BPTF: variants seen among roughly 807,000 people sequenced by gnomAD.
The protein encoded by BPTF is nucleosome-remodeling factor subunit BPTF.
Under a neutral mutation model 292.5 loss-of-function variants are expected in BPTF, and 18 were observed. The observed-to-expected ratio is 0.06, with a 90% CI of 0.04 to 0.09. The LOEUF (loss-of-function observed/expected upper bound fraction) is 0.09. BPTF is among the 10% of genes least tolerant of loss of function. The pLI, the probability that BPTF is intolerant of heterozygous loss-of-function variation, is 1.00. For synonymous variants in BPTF, 1,225 were observed against 1,251.9 expected, an observed-to-expected ratio of 0.98 and a Z score of 0.45; for missense variants, 2,726 against 3,498.7, an observed-to-expected ratio of 0.78 and a Z score of 5.57.
At chr17:67,921,209 CAAAAAAAAA>C (rs60707445) in intron 13 of BPTF, among the ~76,000 whole-genome samples, 2 of 49,226 alleles carry the variant, frequency 4.1e-5, no homozygotes, top group Admixed American at 2.8e-4. Context: ...GAATCCGTGT[CAAAAAAAAA>C]AAAAAAAAAA....
At chr17:67,852,415 A>G (rs1301792137) in intron 1 of BPTF, among the ~76,000 whole-genome samples, 1 of 151,990 alleles carries the variant, frequency 6.6e-6, no homozygotes, top group East Asian at 1.9e-4. Flanking sequence ...AGATTCTTAT[A>G]TGACCTCTTA....
intron 2 of BPTF, among the ~76,000 whole-genome samples, chr17:67,858,758 T>C (rs1396795467): frequency 6.6e-6 from 1 of 152,134 alleles, no homozygotes; most frequent in Non-Finnish European, 1.5e-5. Flanking sequence ...AGGAAGTAAG[T>C]GAAATTTAGT....
intron 4 of BPTF, chr17:67,875,689 T>C (rs1555629353): frequency 5.6e-6 from 9 of 1,607,190 alleles, no homozygotes; most frequent in Non-Finnish European, 7.6e-6. Context: ...AAACCCCCGA[T>C]AGCAGCAACA....
intron 24 of BPTF, among the ~76,000 whole-genome samples, chr17:67,961,442 A>T (rs1420339254): frequency 1.3e-5 from 2 of 151,198 alleles, no homozygotes; most frequent in African/African-American, 4.8e-5. Context: ...CTGAAATTCA[A>T]GTCCTGAACA....
intron 7 of BPTF, among the ~76,000 whole-genome samples, chr17:67,901,658 A>T (rs2061851611): frequency 6.6e-6 from 1 of 152,256 alleles, no homozygotes; most frequent in Admixed American, 6.5e-5. Context: ...AGTAGACATA[A>T]AAAATGATTA....
At position 67,911,624 on chromosome 17, in the gene BPTF, C is replaced by G. The variant is rs766667187; in HGVS notation, c.3740C>G (p.Ser1247Cys). ...LIQEESDTIVSSSKSALHSSV... is the reference protein window; with the variant it reads ...LIQEESDTIVCSSKSALHSSV... ...CAGGAGGAAAGTGACACCATTGTTT[C>G]TTCTTCCAAGAGTGCTTTACATTCA... Residue 1247 changes from serine (S) to cysteine (C), a missense_variant, in exon 11 of 28, where the codon TCT becomes TGT. Physicochemically the swap from Ser to Cys is moderately radical, Grantham distance 112. Coordinates refer to ENST00000306378, the MANE Select transcript of BPTF (RefSeq NM_182641.4). 1 of 1,614,156 alleles carries G rather than the reference C, an allele frequency of 6.2e-7. No individual in the cohort carries two copies. The highest frequency in any genetic ancestry group is 1.3e-5 in the African/African-American group (1 of 75,044).
At chr17:67,829,775 A>C (rs2056492907) in intron 1 of BPTF, among the ~76,000 whole-genome samples, 1 of 152,214 alleles carries the variant, frequency 6.6e-6, no homozygotes, top group Non-Finnish European at 1.5e-5. Flanking sequence ...TAATTTGATT[A>C]ATTTTTATAG....
intron 24 of BPTF, chr17:67,963,591 G>A (rs2067717051): frequency 1.1e-5 from 14 of 1,260,350 alleles, no homozygotes; most frequent in Non-Finnish European, 1.4e-5. Context: ...AAAATAAAAA[G>A]CAGATTTTTT....
At chr17:67,952,555 G>C (rs1374643305) in intron 23 of BPTF, among the ~76,000 whole-genome samples, 89 of 152,022 alleles carry the variant, frequency 5.9e-4, no homozygotes, top group Admixed American at 5.8e-3. Flanking sequence ...GAGCCACCAC[G>C]CCCAGCCAAT....
intron 23 of BPTF, chr17:67,951,645 GAC>G (rs1228528123): frequency 1.3e-5 from 2 of 152,040 alleles, no homozygotes; most frequent in African/African-American, 2.4e-5. Flanking sequence ...AACCCCCAAA[GAC>G]AATCATTTTT....
intron 20 of BPTF, among the ~76,000 whole-genome samples, chr17:67,945,113 G>A (rs2065701721): frequency 6.6e-6 from 1 of 152,134 alleles, no homozygotes; most frequent in African/African-American, 2.4e-5. Context: ...ACTGCTTACT[G>A]TAGCCTTGAA....
intron 4 of BPTF, chr17:67,875,587 T>C: frequency 6.3e-7 from 1 of 1,576,460 alleles, no homozygotes; most frequent in Non-Finnish European, 8.6e-7. Context: ...AAGGTAACTC[T>C]GTGTCAGCAA....
chr17:67,961,673 C>G (rs1239308896), intron 24 of BPTF, among the ~76,000 whole-genome samples: 1 of 151,962 alleles, frequency 6.6e-6, no homozygotes, highest in Non-Finnish European at 1.5e-5. Context: ...ATAGAGAGAC[C>G]CCGTCTGTAC....
rs771413164 is a variant in BPTF, at chr17:67,874,903, A to G, written c.1747A>G (p.Thr583Ala). 1 of 1,613,892 alleles carries G rather than the reference A, an allele frequency of 6.2e-7. No individual in the cohort carries two copies. Among genetic ancestry groups the G allele is most frequent in the South Asian group, 1.1e-5 (1 of 91,068 alleles). ...PEETEKDKNE[T>A]ENDSKDAEKN... ...AGAAACAGAAAAAGACAAGAATGAG[A>G]CTGAGAATGACTCTAAAGATGCTGA... The change falls in exon 4 of 28, where the codon ACT becomes GCT. Residue 583 changes from threonine (T) to alanine (A), a missense_variant. By Grantham distance (58) the Thr-to-Ala change is moderately conservative. Around this residue, in one of 22 missense-constraint regions of BPTF, gnomAD observed 187 missense variants for 201.5 expected, o/e 0.93. Transcript: ENST00000306378.
chr17:67,863,552 A>G (rs2059212541), intron 2 of BPTF, among the ~76,000 whole-genome samples: 3 of 152,176 alleles, frequency 2.0e-5, no homozygotes, highest in Admixed American at 2.0e-4. Flanking sequence ...TCAAAGTTCT[A>G]GAATTACAGG....
At chr17:67,922,774 A>G in intron 13 of BPTF, 66 bp from the exon 14 acceptor site, 1 of 1,513,224 alleles carries the variant, frequency 6.6e-7, no homozygotes, top group Admixed American at 2.3e-5. Context: ...TCATGATAGA[A>G]GATGCCAGAA....
At position 67,911,730 on chromosome 17, in the gene BPTF, C is replaced by T. The variant is rs766978419; in HGVS notation, c.3846C>T (p.Asp1282=). The change falls in exon 11 of 28, where the codon GAC becomes GAT. Residue 1282 remains aspartate, a synonymous_variant. Coordinates refer to ENST00000306378, the MANE Select transcript of BPTF (RefSeq NM_182641.4). ...ACTTTGAAGGAAAACTGGGATGTGA[C>T]TCTGAATCTAATAGCACTTTGGAAA... is the stretch of plus-strand genomic sequence containing the variant. ...AMDFEGKLGC[D]SESNSTLENS... The T allele has an allele frequency of 1.2e-6, 2 of 1,614,144 alleles. No homozygotes were observed. Among genetic ancestry groups the T allele is most frequent in the South Asian group, 1.1e-5 (1 of 91,072 alleles).
Position 67,854,425 on chromosome 17 carries a change from C to G in BPTF, c.1099C>G (p.Leu367Val). The G allele has an allele frequency of 6.2e-7, 1 of 1,614,190 alleles. No homozygotes were observed. Among genetic ancestry groups the G allele is most frequent in the Non-Finnish European group, 8.5e-7 (1 of 1,180,032 alleles). ...GAACAAGATCAAAGTTCTACAGTTT[C>G]TAGTCGATCAGTTTCTTACAACAAA... Reference protein sequence around the residue: ...VENKIKVLQFLVDQFLTTNIA... With the variant: ...VENKIKVLQFVVDQFLTTNIA... Residue 367 changes from leucine to valine, a missense_variant, in exon 2 of 28, where the codon CTA (leucine) becomes GTA (valine). Coordinates refer to ENST00000306378, the MANE Select transcript of BPTF (RefSeq NM_182641.4). The surrounding 1 kb of genome is among the most constrained non-coding windows in gnomAD (Gnocchi z 5.6).
chr17:67,917,937 G>A (rs941803413), intron 11 of BPTF, among the ~76,000 whole-genome samples: 10 of 152,138 alleles, frequency 6.6e-5, no homozygotes, highest in African/African-American at 2.4e-4. Flanking sequence ...TCAGGCTCCC[G>A]AGTAGCTGGG....
Sources: allele counts gnomAD v4.1 joint callset (sites outside exome capture counted in the v4.1 genomes callset), GRCh38; gene constraint gnomAD v4.1.1; regional missense constraint gnomAD v4.1.1; non-coding constraint Gnocchi (gnomAD v3.1); transcripts MANE v1.5; gene names NCBI Gene and HGNC (gene_info 2026-07-23, HGNC 2026-07-21).